ST6GALNAC3: variants seen among roughly 807,000 people sequenced by gnomAD.
ST6GALNAC3 encodes the protein alpha-N-acetylgalactosaminide alpha-2,6-sialyltransferase 3.
Under a neutral mutation model 32.7 loss-of-function variants are expected in ST6GALNAC3, and 25 were observed. The ratio of observed to expected loss-of-function variants is 0.76; its 90% confidence interval spans 0.56 to 1.07. The LOEUF is 1.07. Among genes scored for constraint, ST6GALNAC3 ranks in the 50% least tolerant of loss-of-function variants. The probability of loss-of-function intolerance (pLI) is 0.00; values close to 1 mark genes in which losing one functional copy is unlikely to be tolerated. For synonymous variants in ST6GALNAC3, 129 were observed against 133.1 expected (o/e 0.97, Z 0.21); for missense variants, 355 against 382.4 (o/e 0.93, Z 0.60).
At chr1:76,497,735 A>G (rs1007048638) in intron 3 of ST6GALNAC3, among the ~76,000 whole-genome samples, 3 of 152,118 alleles carry the variant, frequency 2.0e-5, no homozygotes, top group African/African-American at 4.8e-5. Context: ...GTGTCCAGTT[A>G]ATGTTTGTAA....
intron 2 of ST6GALNAC3, among the ~76,000 whole-genome samples, chr1:76,376,837 C>T (rs531676388): frequency 2.0e-4 from 30 of 152,162 alleles, no homozygotes; most frequent in Middle Eastern, 3.4e-3. Context: ...TATCTTCCTC[C>T]GGGTTACTTG....
intron 3 of ST6GALNAC3, among the ~76,000 whole-genome samples, chr1:76,517,236 T>C (rs1004724484): frequency 2.0e-5 from 3 of 151,904 alleles, no homozygotes; most frequent in Non-Finnish European, 2.9e-5. Context: ...TTGTTTTATA[T>C]GTTCAAGGCT....
In ST6GALNAC3 at chr1:76,484,782, G is replaced by A. The variant is rs998598883; in HGVS notation, c.623+72365G>A. Among the ~76,000 whole-genome samples, 6 of 152,230 alleles carry A rather than the reference G, an allele frequency of 3.9e-5. 1 individual carries two copies. In the East Asian group the frequency reaches 9.6e-4, roughly 24 times the overall value. On this transcript the variant is annotated intron_variant, in intron 3 of 4. Coordinates refer to ENST00000328299, the MANE Select transcript of ST6GALNAC3 (RefSeq NM_152996.4). Reference sequence around the variant, plus strand: ...ATACTGAATAGGAGTGGTGAGAGACGCATCCCTGTCTTGTGCCAGTTTTCA... The same window carrying A: ...ATACTGAATAGGAGTGGTGAGAGACACATCCCTGTCTTGTGCCAGTTTTCA...
chr1:76,192,582 T>C (rs1392155720), intron 1 of ST6GALNAC3, among the ~76,000 whole-genome samples: 2 of 152,178 alleles, frequency 1.3e-5, no homozygotes, highest in African/African-American at 2.4e-5. Flanking sequence ...TATCATTCCG[T>C]TGGGGCCTTG....
intron 3 of ST6GALNAC3, among the ~76,000 whole-genome samples, chr1:76,525,007 A>G (rs1326168483): frequency 6.6e-6 from 1 of 152,154 alleles, no homozygotes; most frequent in South Asian, 2.1e-4. Flanking sequence ...ATAAAAAGTC[A>G]TACTTTTGTA....
intron 1 of ST6GALNAC3, among the ~76,000 whole-genome samples, chr1:76,200,347 A>G (rs951781420): frequency 1.3e-5 from 2 of 152,216 alleles, no homozygotes; most frequent in Non-Finnish European, 2.9e-5. Context: ...ACAGAGAGAA[A>G]GAATTCCCAG....
At chr1:76,451,584 T>C (rs907034394) in intron 3 of ST6GALNAC3, among the ~76,000 whole-genome samples, 5 of 152,210 alleles carry the variant, frequency 3.3e-5, no homozygotes, top group Admixed American at 3.3e-4. Context: ...GTGTCACCTA[T>C]AATTTTTTTC....
At chr1:76,526,060 A>G (rs1662893920) in intron 3 of ST6GALNAC3, among the ~76,000 whole-genome samples, 1 of 151,604 alleles carries the variant, frequency 6.6e-6, no homozygotes, top group Non-Finnish European at 1.5e-5. Context: ...TTCATCTTAC[A>G]TTGTCTTCTG....
intron 1 of ST6GALNAC3, among the ~76,000 whole-genome samples, chr1:76,193,673 C>T (rs1199429479): frequency 8.5e-5 from 13 of 152,146 alleles, no homozygotes; most frequent in Admixed American, 8.5e-4. Flanking sequence ...TGTTACTCAT[C>T]CTATCTTACT....
chr1:76,171,457 G>A, intron 1 of ST6GALNAC3, among the ~76,000 whole-genome samples: 1 of 150,438 alleles, frequency 6.6e-6, no homozygotes. Context: ...GATGGTGATA[G>A]AGACGTGAAA....
rs142387717 is a variant in ST6GALNAC3, at chr1:76,576,499, G to T, written c.624-50953G>T. On this transcript the variant is annotated intron_variant, in intron 3 of 4. Coordinates refer to ENST00000328299, the MANE Select transcript of ST6GALNAC3 (RefSeq NM_152996.4). ...GCAGTTAGACCAAGGAATCTTGGCAGTCTAGTGCTATAGAAGCCAGACACA... is the reference window on the plus strand; with the variant it reads ...GCAGTTAGACCAAGGAATCTTGGCATTCTAGTGCTATAGAAGCCAGACACA... Among the ~76,000 whole-genome samples the T allele has an allele frequency of 2.1e-3, 318 of 152,158 alleles. 4 individuals carry two copies. The highest frequency in any genetic ancestry group is 5.2e-3 in the Admixed American group (80 of 15,256).
At chr1:76,188,031 T>G (rs1653669156) in intron 1 of ST6GALNAC3, among the ~76,000 whole-genome samples, 1 of 152,036 alleles carries the variant, frequency 6.6e-6, no homozygotes, top group Admixed American at 6.6e-5. Flanking sequence ...AAAGGAGCAG[T>G]CATGAACAGC....
At chr1:76,623,680 T>C (rs1473857406) in intron 3 of ST6GALNAC3, among the ~76,000 whole-genome samples, 2 of 152,008 alleles carry the variant, frequency 1.3e-5, no homozygotes, top group Non-Finnish European at 2.9e-5. Context: ...TCACTAAGTC[T>C]TTCCAAGCTG....
chr1:76,619,927 G>C (rs1404442952), intron 3 of ST6GALNAC3, among the ~76,000 whole-genome samples: 1 of 152,004 alleles, frequency 6.6e-6, no homozygotes, highest in Non-Finnish European at 1.5e-5. Context: ...CCTCCTGTTG[G>C]AGAAGAAATT....
At chr1:76,163,967 T>C (rs116676508) in intron 1 of ST6GALNAC3, among the ~76,000 whole-genome samples, 2,213 of 152,274 alleles carry the variant, frequency 0.015, 48 homozygotes, top group African/African-American at 0.046. Flanking sequence ...ATTTTGCTAC[T>C]TTTACACATT....
At chr1:76,471,734 G>A (rs1417611635) in intron 3 of ST6GALNAC3, among the ~76,000 whole-genome samples, 1 of 152,126 alleles carries the variant, frequency 6.6e-6, no homozygotes, top group Middle Eastern at 3.4e-3. Flanking sequence ...CTAAGAATGA[G>A]CCATTTCCTT....
At chr1:76,386,093 G>A (rs7531146) in intron 2 of ST6GALNAC3, among the ~76,000 whole-genome samples, 137,227 of 151,886 alleles carry the variant, frequency 0.9, 63,186 homozygotes, top group East Asian at 1. Context: ...TGTGTGTGTC[G>A]TCTACAGATA....
chr1:76,243,102 C>A (rs1189206450), intron 1 of ST6GALNAC3, among the ~76,000 whole-genome samples: 1 of 152,176 alleles, frequency 6.6e-6, no homozygotes, highest in Non-Finnish European at 1.5e-5. Context: ...TTCTCCACAT[C>A]CTCTCCAGAA....
intron 2 of ST6GALNAC3, among the ~76,000 whole-genome samples, chr1:76,339,542 A>G (rs1336094876): frequency 6.6e-6 from 1 of 152,248 alleles, no homozygotes; most frequent in East Asian, 1.9e-4. Flanking sequence ...GTAATTTATT[A>G]CAGCAGCAAT....
Sources: allele counts gnomAD v4.1 joint callset (sites outside exome capture counted in the v4.1 genomes callset), GRCh38; gene constraint gnomAD v4.1.1; transcripts MANE v1.5; gene names NCBI Gene and HGNC (gene_info 2026-07-23, HGNC 2026-07-21).